Variants in GALK2 observed in about 807,000 individuals in gnomAD.
GALK2 encodes N-acetylgalactosamine kinase.
GALK2 carries 36 observed loss-of-function variants against 52.4 expected under a neutral mutation model. The observed-to-expected ratio is 0.69, with a 90% confidence interval of 0.53 to 0.91. The LOEUF (loss-of-function observed/expected upper bound fraction) is 0.91, where lower values mean the gene tolerates loss of function less well. Ranked by LOEUF, GALK2 falls within the 40% of genes least tolerant of loss-of-function variation. The pLI is 0.00. For missense variants in GALK2, 579 were observed against 559.1 expected (o/e 1.04, Z -0.36); for synonymous variants, 176 against 199.1 (o/e 0.88, Z 0.98).
Position 49,235,841 on chromosome 15 carries a change from G to A in GALK2, c.267-10G>A. On this transcript the variant is annotated splice_polypyrimidine_tract_variant and intron_variant, in intron 3 of 9. Coordinates refer to ENST00000560031, the MANE Select transcript of GALK2 (RefSeq NM_002044.4). Reference sequence around the variant, plus strand: ...AGATTTTAAATTAATGGTGTCTTTTGTCTTCGCAGGGACTTCAGTACTAGT... The same window carrying A: ...AGATTTTAAATTAATGGTGTCTTTTATCTTCGCAGGGACTTCAGTACTAGT... 6.3e-7 allele frequency: 1 copy of A among 1,592,762 alleles called. No individual in the cohort carries two copies. Among genetic ancestry groups the A allele is most frequent in the Non-Finnish European group, 8.6e-7 (1 of 1,162,000 alleles).
chr15:49,230,846 T>C (rs894583379), intron 3 of GALK2, among the ~76,000 whole-genome samples: 6 of 152,162 alleles, frequency 3.9e-5, no homozygotes, highest in African/African-American at 1.2e-4. Context: ...TCTACAAACA[T>C]GGAAGTGGGG....
chr15:49,156,013 A>G, exon 1 of GALK2: 1 of 1,614,158 alleles, frequency 6.2e-7, no homozygotes, highest in Non-Finnish European at 8.5e-7. Flanking sequence ...GTCCTATATG[A>G]CAGGTATTAT....
chr15:49,257,961 T>TA (rs2091886713), intron 5 of GALK2, among the ~76,000 whole-genome samples: 1 of 149,854 alleles, frequency 6.7e-6, no homozygotes, highest in Non-Finnish European at 1.5e-5. Context: ...ATAATTATAA[T>TA]AAAATAACAT....
rs973873644 is a variant in GALK2 at position 49,185,988 on chromosome 15, C to G, written c.54-15174C>G. On this transcript the variant is annotated intron_variant, in intron 1 of 9. Transcript: ENST00000560031. The stretch of plus-strand genomic sequence containing the variant: ...TGTGCTGACAGTTGTAATGGAGCTC[C>G]TTTATATGTTACTGGTTTCTCTTCT... Among the ~76,000 whole-genome samples the G allele has an allele frequency of 2.6e-5, 4 of 152,076 alleles. 1 individual carries two copies. The highest frequency in any genetic ancestry group is 6.6e-5 in the Admixed American group (1 of 15,260).
intron 2 of GALK2, among the ~76,000 whole-genome samples, chr15:49,202,128 C>G (rs932960541): frequency 6.6e-6 from 1 of 152,240 alleles, no homozygotes; most frequent in South Asian, 2.1e-4. Flanking sequence ...CTCAGCCTCC[C>G]GAGTAGCTGG....
intron 3 of GALK2, among the ~76,000 whole-genome samples, chr15:49,352,073 G>A (rs2042334758): frequency 6.6e-6 from 1 of 152,152 alleles, no homozygotes; most frequent in African/African-American, 2.4e-5. Context: ...CCTCATTTAT[G>A]TGTCTGGGGC....
intron 5 of GALK2, among the ~76,000 whole-genome samples, chr15:49,244,552 T>C (rs1337130830): frequency 6.6e-6 from 1 of 151,802 alleles, no homozygotes; most frequent in African/African-American, 2.4e-5. Context: ...GCTATCTGTT[T>C]AAATGAATTA....
rs749923600 is a variant in GALK2 at position 49,319,740 on chromosome 15, C to T, written c.1104C>T (p.His368=). 2.4e-5 allele frequency: 38 copies of T among 1,614,024 alleles called. No individual in the cohort carries two copies. The highest frequency in any genetic ancestry group is 3.0e-5 in the Non-Finnish European group (35 of 1,180,038). Residue 368 remains histidine (H), a synonymous_variant, in exon 9 of 10, where the codon CAC becomes CAT. Transcript: ENST00000560031. ...TGGGAGAGTTGATGAACCAGAGCCA[C>T]ATGAGCTGCCGGGACATGTATGAGT... is the stretch of plus-strand genomic sequence containing the variant. The part of the protein sequence containing the change: ...QLLGELMNQS[H]MSCRDMYECS...
At chr15:49,181,058 T>TCCCC (rs1566910330) in intron 1 of GALK2, among the ~76,000 whole-genome samples, 5 of 76,468 alleles carry the variant, frequency 6.5e-5, no homozygotes, top group Non-Finnish European at 1.1e-4. Context: ...CTTCCCTCCC[T>TCCCC]CCCTCCCTTT....
At chr15:49,171,635 A>G (rs1176811568) in intron 1 of GALK2, among the ~76,000 whole-genome samples, 1 of 152,218 alleles carries the variant, frequency 6.6e-6, no homozygotes, top group East Asian at 1.9e-4. Context: ...GAATGTTTTA[A>G]TATACTCTAG....
At chr15:49,161,405 T>G (rs1188172423) in intron 1 of GALK2, among the ~76,000 whole-genome samples, 1 of 152,194 alleles carries the variant, frequency 6.6e-6, no homozygotes, top group Admixed American at 6.5e-5. Context: ...GTATCACACA[T>G]CAAAATATTT....
At chr15:49,343,432 T>A (rs976825457) in intron 3 of GALK2, among the ~76,000 whole-genome samples, 1 of 152,034 alleles carries the variant, frequency 6.6e-6, no homozygotes. Flanking sequence ...GATTTAGGAG[T>A]TTCTTTGTGT....
intron 2 of GALK2, among the ~76,000 whole-genome samples, chr15:49,212,620 T>C (rs956024537): frequency 6.6e-6 from 1 of 152,176 alleles, no homozygotes. Flanking sequence ...ATTTCTACCT[T>C]TTTGATGTAG....
intron 1 of GALK2, among the ~76,000 whole-genome samples, chr15:49,193,469 AC>A (rs2086938324): frequency 6.6e-6 from 1 of 151,778 alleles, no homozygotes; most frequent in Non-Finnish European, 1.5e-5. Context: ...ATGTTTTAAA[AC>A]ATTTTTATAT....
intron 5 of GALK2, among the ~76,000 whole-genome samples, chr15:49,245,042 AT>A (rs371106623): frequency 3.8e-4 from 57 of 150,842 alleles, no homozygotes; most frequent in African/African-American, 1.3e-3. Context: ...GAAATCAACC[AT>A]TTTTTTTTGC....
downstream of GALK2, chr15:49,335,444 C>A: frequency 6.2e-7 from 1 of 1,613,236 alleles, no homozygotes; most frequent in Non-Finnish European, 8.5e-7. Context: ...TGGTTCCTTG[C>A]AAATTGTCTT....
chr15:49,198,482 T>C (rs977262292), intron 1 of GALK2, among the ~76,000 whole-genome samples: 3 of 152,234 alleles, frequency 2.0e-5, no homozygotes, highest in Non-Finnish European at 4.4e-5. Context: ...ATGAGATTAA[T>C]GAATTTCATC....
intron 5 of GALK2, among the ~76,000 whole-genome samples, chr15:49,272,233 T>C (rs1178187598): frequency 1.3e-5 from 2 of 152,204 alleles, no homozygotes; most frequent in Non-Finnish European, 2.9e-5. Context: ...TAAAAAGTTA[T>C]AATTCTTTTT....
rs558491610 is a variant in GALK2 at position 49,201,224 on chromosome 15, G to C, written c.116G>C (p.Arg39Pro). ...KFGSIPKFYV[R>P]APGRVNIIGE... ...GGATCTATTCCCAAGTTTTATGTTCGAGCACCAGGAAGAGTCAACATAATA... is the reference window on the plus strand; with the variant it reads ...GGATCTATTCCCAAGTTTTATGTTCCAGCACCAGGAAGAGTCAACATAATA... The change falls in exon 2 of 10, where the codon CGA becomes CCA. Residue 39 changes from arginine (R) to proline (P), a missense_variant. Physicochemically the swap from Arg to Pro is moderately radical, Grantham distance 103. Coordinates refer to ENST00000560031, the MANE Select transcript of GALK2 (RefSeq NM_002044.4). 1.9e-6 allele frequency: 3 copies of C among 1,608,092 alleles called. No individual in the cohort carries two copies. In the African/African-American group the frequency reaches 4.0e-5, roughly 22 times the overall value.
Sources: allele counts gnomAD v4.1 joint callset (sites outside exome capture counted in the v4.1 genomes callset), GRCh38; gene constraint gnomAD v4.1.1; transcripts MANE v1.5; gene names NCBI Gene and HGNC (gene_info 2026-07-23, HGNC 2026-07-21).